The following CFAP57 variants were observed in gnomAD, a reference collection of about 807,000 sequenced individuals.
CFAP57 encodes the protein cilia and flagella associated protein 57.
In CFAP57, 116 loss-of-function variants were observed where a neutral mutation model predicts 146.8. The observed-to-expected ratio is 0.79, with a 90% CI of 0.68 to 0.92. CFAP57 has a LOEUF of 0.92. CFAP57 is among the 40% of genes least tolerant of loss of function. The pLI, the probability that CFAP57 is intolerant of heterozygous loss-of-function variation, is 0.00. For synonymous variants in CFAP57, 518 were observed against 552.8 expected, an observed-to-expected ratio of 0.94 and a Z score of 0.88; for missense variants, 1,377 against 1,527.2, an observed-to-expected ratio of 0.90 and a Z score of 1.64.
intron 22 of CFAP57, among the ~76,000 whole-genome samples, chr1:43,252,541 T>C (rs1041928265): frequency 3.9e-5 from 6 of 151,948 alleles, no homozygotes; most frequent in African/African-American, 1.2e-4. Context: ...TTCCCATAAA[T>C]AGTGTTCTGA....
intron 6 of CFAP57, among the ~76,000 whole-genome samples, chr1:43,197,334 G>A (rs893934439): frequency 2.0e-5 from 3 of 152,016 alleles, no homozygotes; most frequent in Non-Finnish European, 4.4e-5. Context: ...TCCAGCCTGG[G>A]GGACAGAGCG....
chr1:43,228,073 C>A (rs1645323258), intron 18 of CFAP57, among the ~76,000 whole-genome samples: 2 of 152,178 alleles, frequency 1.3e-5, no homozygotes. Flanking sequence ...AGTCTGGTCT[C>A]CACATAGAGG....
chr1:43,231,699 CAAAA>C (rs10588937), intron 18 of CFAP57, among the ~76,000 whole-genome samples: 53 of 83,558 alleles, frequency 6.3e-4, no homozygotes, highest in East Asian at 1.0e-3. Flanking sequence ...CCTAAAAATA[CAAAA>C]AAAAAAAAAA....
intron 10 of CFAP57, among the ~76,000 whole-genome samples, chr1:43,209,106 C>T (rs1644483951): frequency 6.6e-6 from 1 of 152,066 alleles, no homozygotes; most frequent in East Asian, 1.9e-4. Flanking sequence ...TAGTTATGTA[C>T]GTATAGGAGA....
In CFAP57 at chr1:43,240,120, T is replaced by G. The variant is rs554870129; in HGVS notation, c.3406-3107T>G. Among the ~76,000 whole-genome samples, 389 of 152,306 alleles carry G rather than the reference T, an allele frequency of 2.6e-3. 4 individuals are homozygous for G. In the South Asian group the frequency reaches 0.032, roughly 12 times the overall value. The stretch of plus-strand genomic sequence containing the variant: ...AAAGGAAATGCGGGAAACCTATCAC[T>G]GTTATGAGACAATTTGGAACTGTAA... On this transcript the variant is annotated intron_variant, in intron 21 of 22. Coordinates refer to ENST00000372492, the MANE Select transcript of CFAP57 (RefSeq NM_001378189.1).
chr1:43,189,938 T>G (rs1006644296), intron 6 of CFAP57, among the ~76,000 whole-genome samples: 2 of 152,158 alleles, frequency 1.3e-5, no homozygotes, highest in African/African-American at 4.8e-5. Context: ...TCATAAACCA[T>G]TCATGAGGGA....
intron 17 of CFAP57, among the ~76,000 whole-genome samples, chr1:43,225,911 G>A (rs996181037): frequency 1.6e-4 from 24 of 152,188 alleles, no homozygotes; most frequent in African/African-American, 5.3e-4. Context: ...GGTGGCTCAC[G>A]CCTGTAATCC....
chr1:43,172,361 T>C lies in CFAP57; in HGVS notation c.-112T>C, dbSNP rs753503127. 3.9e-6 allele frequency: 6 copies of C among 1,551,644 alleles called. No individual in the cohort carries two copies. The highest frequency in any genetic ancestry group is 3.6e-5 in the South Asian group (3 of 84,062). On this transcript the variant is annotated 5_prime_UTR_variant, in exon 1 of 23. Transcript: ENST00000372492. ...GGTTTGTCGTTGCTATAGGAACCGC[T>C]ACGGCGTTTGAAAGTGTCCGGGTTG... is the stretch of plus-strand genomic sequence containing the variant.
intron 18 of CFAP57, among the ~76,000 whole-genome samples, chr1:43,230,587 C>T (rs1292208858): frequency 6.6e-6 from 1 of 152,212 alleles, no homozygotes. Flanking sequence ...CCCTAAGCCA[C>T]TTGCAGCCTG....
At chr1:43,174,645 G>A (rs1172558028) in intron 2 of CFAP57, among the ~76,000 whole-genome samples, 3 of 152,052 alleles carry the variant, frequency 2.0e-5, no homozygotes, top group Non-Finnish European at 2.9e-5. Flanking sequence ...GTGAAACCCC[G>A]TCTCTACTAA....
intron 22 of CFAP57, among the ~76,000 whole-genome samples, chr1:43,245,582 C>T (rs2124674022): frequency 6.6e-6 from 1 of 152,162 alleles, no homozygotes; most frequent in Admixed American, 6.5e-5. Context: ...AGTGGTGAAC[C>T]TAGAAGAAAT....
At chr1:43,197,382 A>T (rs1271223924) in intron 6 of CFAP57, among the ~76,000 whole-genome samples, 171 bp from the exon 7 acceptor site, 1 of 152,054 alleles carries the variant, frequency 6.6e-6, no homozygotes, top group Non-Finnish European at 1.5e-5. Context: ...TAAAATAAAA[A>T]ATAATAATAA....
chr1:43,249,585 A>G (rs1230023776), intron 22 of CFAP57, among the ~76,000 whole-genome samples: 3 of 134,054 alleles, frequency 2.2e-5, no homozygotes, highest in Non-Finnish European at 3.1e-5. Flanking sequence ...ACACGCCACC[A>G]CACCCAGCTA....
In CFAP57 at chr1:43,219,718, T is replaced by G. The variant is rs1219140176; in HGVS notation, c.2247+181T>G. ...CTGGCCAGGCACAGTGGCTCATGCC[T>G]GTAATCCCAGCACTTTGGGAGGCCA... On this transcript the variant is annotated intron_variant, in intron 13 of 22. Transcript: ENST00000372492. 6.9e-6 allele frequency: 5 copies of G among 723,076 alleles called. No homozygotes were observed. In the East Asian group the frequency reaches 1.9e-4, roughly 27 times the overall value. The allele number at this position is 723,076 out of a possible 1,614,324, so 44.8% of individuals were successfully genotyped here.
At chr1:43,242,319 A>G (rs1645956398) in intron 21 of CFAP57, among the ~76,000 whole-genome samples, 1 of 152,198 alleles carries the variant, frequency 6.6e-6, no homozygotes, top group Non-Finnish European at 1.5e-5. Context: ...CACACCCCGC[A>G]CTAAACTGTA....
In CFAP57 at chr1:43,232,538, C is replaced by T. The variant is rs1183868356; in HGVS notation, c.3040C>T (p.Gln1014Ter). ...AGCTGAACTGGAGAATTTCCATAAG[C>T]AGAACACTCAACTGGAGCTGAACAT... ...MEAELENFHK[Q>*]NTQLELNITE... The change falls in exon 19 of 23, where the codon CAG becomes TAG. Residue 1014 changes from glutamine to a stop codon, truncating the protein, a stop_gained. Transcript: ENST00000372492. LOFTEE classifies it high-confidence loss of function. 27 of 1,550,264 alleles carry T rather than the reference C, an allele frequency of 1.7e-5. No individual in the cohort carries two copies. Among genetic ancestry groups the T allele is most frequent in the Non-Finnish European group, 2.4e-5 (27 of 1,146,766 alleles).
rs1009982540 is a variant in CFAP57 at position 43,181,937 on chromosome 1, T to G, written c.474+87T>G. The G allele has an allele frequency of 2.1e-6, 3 of 1,439,024 alleles. No individual in the cohort carries two copies. In the African/African-American group the frequency reaches 4.2e-5, roughly 20 times the overall value. 89.1% of individuals were successfully genotyped at this position (1,439,024 alleles called of 1,614,324 possible). A position where few individuals can be genotyped will look rare whatever the true frequency, so the allele number is the denominator to read the frequency against. On this transcript the variant is annotated intron_variant, in intron 3 of 22. Coordinates refer to ENST00000372492, the MANE Select transcript of CFAP57 (RefSeq NM_001378189.1). The stretch of plus-strand genomic sequence containing the variant: ...TGTTTTCTGTGTACCACAGTTCTAA[T>G]TTCCTCCATGCATTTTAAAATTTAT...
chr1:43,209,043 A>G (rs976286182), intron 10 of CFAP57, among the ~76,000 whole-genome samples: 4 of 152,156 alleles, frequency 2.6e-5, no homozygotes, highest in Non-Finnish European at 4.4e-5. Flanking sequence ...CTATTTTATT[A>G]TTAGGTATTA....
chr1:43,179,738 C>G (rs1229494442), intron 2 of CFAP57, among the ~76,000 whole-genome samples: 4 of 152,160 alleles, frequency 2.6e-5, no homozygotes, highest in South Asian at 2.1e-4. Context: ...TGCTGGACCT[C>G]CGTACCCAAC....
Sources: gnomAD v4.1 joint callset for allele counts (sites outside exome capture counted in the v4.1 genomes callset) on GRCh38, gnomAD v4.1.1 for gene constraint, MANE v1.5 for transcripts, NCBI Gene and HGNC (gene_info 2026-07-23, HGNC 2026-07-21) for gene names.